The following AVL9 variants were observed in gnomAD, a reference collection of about 807,000 sequenced individuals.
AVL9 encodes AVL9 cell migration associated.
In AVL9, 49 loss-of-function variants were observed where a neutral mutation model predicts 79.2. That is an observed-to-expected ratio of 0.62 (90% confidence interval 0.49 to 0.79). The LOEUF (loss-of-function observed/expected upper bound fraction) is 0.79. Among genes scored for constraint, AVL9 ranks in the 30% least tolerant of loss-of-function variants. The probability of loss-of-function intolerance (pLI) is 0.00; values close to 1 mark genes in which losing one functional copy is unlikely to be tolerated. For synonymous variants in AVL9, 299 were observed against 280.6 expected, an observed-to-expected ratio of 1.07 and a Z score of -0.65; for missense variants, 682 against 776.8, an observed-to-expected ratio of 0.88 and a Z score of 1.45.
rs1290044689 is a variant in AVL9 at position 32,576,068 on chromosome 7, C to A, written c.1684C>A (p.Pro562Thr). The change falls in exon 13 of 16, where the codon CCA (proline) becomes ACA (threonine). Residue 562 changes from proline to threonine, a missense_variant. Transcript: ENST00000318709. ...GCATCCAGCACTTGCAGAAATAAAT[C>A]CAAAGTAAGCGCGTCCTCTGAAGAT... ...NKHPALAEIN[P>T]NHPFQGQYSV... is the part of the protein sequence containing the mutation. 6.2e-7 allele frequency: 1 copy of A among 1,607,514 alleles called. No individual in the cohort carries two copies. Among genetic ancestry groups the A allele is most frequent in the Admixed American group, 1.7e-5 (1 of 59,974 alleles).
intron 1 of AVL9, among the ~76,000 whole-genome samples, chr7:32,540,944 G>A (rs1330087031): frequency 7.8e-6 from 1 of 128,266 alleles, no homozygotes; most frequent in African/African-American, 2.9e-5. Context: ...TGTCGCCCAG[G>A]CTGGAGTGCA....
At chr7:32,511,689 G>A (rs1048013215) in intron 1 of AVL9, among the ~76,000 whole-genome samples, 5 of 151,976 alleles carry the variant, frequency 3.3e-5, no homozygotes, top group African/African-American at 9.7e-5. Flanking sequence ...GGGAAGGGGC[G>A]ACATTAGTCA....
intron 15 of AVL9, among the ~76,000 whole-genome samples, chr7:32,583,108 T>A (rs1007162573): frequency 3.3e-5 from 5 of 152,214 alleles, no homozygotes; most frequent in African/African-American, 1.2e-4. Flanking sequence ...TACAACAGTC[T>A]AACCACTCTT....
intron 1 of AVL9, chr7:32,537,407 A>G (rs1464937331): frequency 6.6e-6 from 1 of 151,962 alleles, no homozygotes; most frequent in Non-Finnish European, 1.5e-5. Context: ...AAACTCAACA[A>G]TAGAGGATTG....
intron 1 of AVL9, among the ~76,000 whole-genome samples, chr7:32,517,958 G>A (rs987007730): frequency 6.6e-6 from 1 of 151,994 alleles, no homozygotes; most frequent in Non-Finnish European, 1.5e-5. Context: ...AGCCTCTTGA[G>A]TAGCTGGGAC....
chr7:32,518,239 T>G, intron 1 of AVL9, among the ~76,000 whole-genome samples: 1 of 152,214 alleles, frequency 6.6e-6, no homozygotes, highest in East Asian at 1.9e-4. Flanking sequence ...AGTTTCTTAC[T>G]TAGGTAAACA....
chr7:32,552,357 G>C, intron 6 of AVL9, 62 bp downstream of exon 6: 1 of 1,034,036 alleles, frequency 9.7e-7, no homozygotes, highest in East Asian at 2.4e-5. Context: ...AGCAAACTGA[G>C]TTGCGTGTAA....
At chr7:32,579,550 T>TA (rs1562802262) in intron 13 of AVL9, among the ~76,000 whole-genome samples, 12 of 3,412 alleles carry the variant, frequency 3.5e-3, no homozygotes, top group South Asian at 0.01. Flanking sequence ...ATATTATATA[T>TA]TATATATTAT....
chr7:32,572,818 G>A (rs201995297), intron 11 of AVL9, among the ~76,000 whole-genome samples: 584 of 72,802 alleles, frequency 8.0e-3, no homozygotes, highest in Middle Eastern at 0.02. Context: ...AAAAAAAAAA[G>A]AATATTCTAA....
rs923714698 is a variant in AVL9, at chr7:32,576,056, G to T, written c.1672G>T (p.Ala558Ser). 1 of 1,613,336 alleles carries T rather than the reference G, an allele frequency of 6.2e-7. No individual in the cohort carries two copies. Among genetic ancestry groups the T allele is most frequent in the Non-Finnish European group, 8.5e-7 (1 of 1,179,338 alleles). The change falls in exon 13 of 16, where the codon GCA (alanine) becomes TCA (serine). Residue 558 changes from alanine (A) to serine (S), a missense_variant. Transcript: ENST00000318709. ...VWNSNKHPAL[A>S]EINPNHPFQG... Reference sequence around the variant, plus strand: ...GAACAGCAACAAGCATCCAGCACTTGCAGAAATAAATCCAAAGTAAGCGCG... The same window carrying T: ...GAACAGCAACAAGCATCCAGCACTTTCAGAAATAAATCCAAAGTAAGCGCG...
At chr7:32,562,635 C>T in intron 10 of AVL9, 7 of 984,326 alleles carry the variant, frequency 7.1e-6, no homozygotes, top group Non-Finnish European at 8.4e-6. Flanking sequence ...AAAAGTTACA[C>T]TGGACTGGAC....
At chr7:32,563,637 C>G (rs533682205) in intron 10 of AVL9, among the ~76,000 whole-genome samples, 1 of 151,314 alleles carries the variant, frequency 6.6e-6, no homozygotes, top group South Asian at 2.1e-4. Flanking sequence ...TCTGTTTTTC[C>G]CTGAATACTG....
intron 1 of AVL9, among the ~76,000 whole-genome samples, chr7:32,498,704 A>G (rs527826891): frequency 6.6e-6 from 1 of 150,840 alleles, no homozygotes; most frequent in African/African-American, 2.4e-5. Flanking sequence ...TAGTTTACTG[A>G]TATACTTAAC....
chr7:32,587,189 A>G lies in AVL9; in HGVS notation c.*3282A>G, dbSNP rs1057342808. On this transcript the variant is annotated 3_prime_UTR_variant, in exon 16 of 16. Coordinates refer to ENST00000318709, the MANE Select transcript of AVL9 (RefSeq NM_015060.3). Reference sequence around the variant, plus strand: ...GCCAACGAGAAAACAAATTAGGAAGAGAGAGAAGTGAGAAATTGTTGCATG... The same window carrying G: ...GCCAACGAGAAAACAAATTAGGAAGGGAGAGAAGTGAGAAATTGTTGCATG... The G allele has an allele frequency of 5.9e-5, 9 of 152,218 alleles. No individual in the cohort carries two copies. The highest frequency in any genetic ancestry group is 1.9e-4 in the African/African-American group (8 of 41,458). 9.4% of individuals were successfully genotyped at this position (152,218 alleles called of 1,614,324 possible). A position where few individuals can be genotyped will look rare whatever the true frequency, so the allele number is the denominator to read the frequency against.
At chr7:32,501,561 G>T (rs1399920166) in intron 1 of AVL9, among the ~76,000 whole-genome samples, 1 of 152,170 alleles carries the variant, frequency 6.6e-6, no homozygotes, top group Non-Finnish European at 1.5e-5. Flanking sequence ...TGACTTAGCA[G>T]GGCTGCAGCA....
chr7:32,554,044 G>C (rs750131768), intron 7 of AVL9, among the ~76,000 whole-genome samples: 1 of 152,066 alleles, frequency 6.6e-6, no homozygotes, highest in Non-Finnish European at 1.5e-5. Flanking sequence ...CAATTTCATC[G>C]ATCATGAGAT....
In AVL9 at chr7:32,552,263, G is replaced by T; in HGVS notation, c.497G>T (p.Gly166Val). The part of the protein sequence containing the change: ...LYEHMNSSLG[G>V]ASLEGSQVYL... ...GAACATATGAATAGTTCCTTGGGAG[G>T]TGCTTCATTAGAAGGATCCCAAGTA... Residue 166 changes from glycine to valine, a missense_variant, in exon 6 of 16, where the codon GGT becomes GTT. Transcript: ENST00000318709. The T allele has an allele frequency of 6.2e-7, 1 of 1,603,824 alleles. No homozygotes were observed. The highest frequency in any genetic ancestry group is 8.5e-7 in the Non-Finnish European group (1 of 1,171,572).
intron 1 of AVL9, 133 bp downstream of exon 1, chr7:32,495,935 A>T: frequency 2.0e-6 from 1 of 503,920 alleles, no homozygotes. Context: ...TTCGCCTCTC[A>T]ACCTGACTCC....
intron 6 of AVL9, among the ~76,000 whole-genome samples, chr7:32,552,811 T>G (rs1789892479): frequency 6.6e-6 from 1 of 152,054 alleles, no homozygotes; most frequent in African/African-American, 2.4e-5. Context: ...GTAATGGAAG[T>G]TTTTTATTGT....
Sources: allele counts gnomAD v4.1 joint callset (sites outside exome capture counted in the v4.1 genomes callset), GRCh38; gene constraint gnomAD v4.1.1; transcripts MANE v1.5; gene names NCBI Gene and HGNC (gene_info 2026-07-23, HGNC 2026-07-21).